RIMS2: variants seen among roughly 807,000 people sequenced by gnomAD.
The protein encoded by RIMS2 is regulating synaptic membrane exocytosis protein 2.
In RIMS2, 59 loss-of-function variants were observed where a neutral mutation model predicts 174.4. That is an observed-to-expected ratio of 0.34 (90% confidence interval 0.27 to 0.42). The LOEUF (loss-of-function observed/expected upper bound fraction) is 0.42. RIMS2 is among the 10% of genes least tolerant of loss of function. The pLI, the probability that RIMS2 is intolerant of heterozygous loss-of-function variation, is 1.00. For missense variants in RIMS2, 1,620 were observed against 1,666.3 expected (o/e 0.97, Z 0.48); for synonymous variants, 606 against 572.5 (o/e 1.06, Z -0.84).
chr8:103,885,310 A>G, exon 4 of RIMS2: 1 of 1,574,812 alleles, frequency 6.3e-7, no homozygotes, highest in Non-Finnish European at 8.7e-7. Context: ...AAAGAAGCCC[A>G]TCTGTGTCCA....
intron 2 of RIMS2, among the ~76,000 whole-genome samples, chr8:103,717,234 A>G (rs1447551217): frequency 6.7e-6 from 1 of 149,034 alleles, no homozygotes; most frequent in African/African-American, 2.5e-5. Flanking sequence ...GATGGTGGCA[A>G]ATATCGAATG....
intron 3 of RIMS2, among the ~76,000 whole-genome samples, chr8:103,786,166 T>C (rs1430335400): frequency 6.6e-6 from 1 of 152,204 alleles, no homozygotes; most frequent in Non-Finnish European, 1.5e-5. Flanking sequence ...TCTCCTTCCA[T>C]CTTTATTCGT....
chr8:103,792,734 A>T (rs2098511964), intron 3 of RIMS2, among the ~76,000 whole-genome samples: 3 of 152,118 alleles, frequency 2.0e-5, no homozygotes, highest in Admixed American at 2.0e-4. Flanking sequence ...ACGCAATAAA[A>T]AATGAGAAAG....
intron 1 of RIMS2, among the ~76,000 whole-genome samples, chr8:103,577,080 CT>C (rs981697451): frequency 6.6e-6 from 1 of 152,156 alleles, no homozygotes; most frequent in Non-Finnish European, 1.5e-5. Flanking sequence ...CAAATGGGAT[CT>C]AATTAAACTA....
chr8:104,005,090 T>C (rs2095525442), intron 17 of RIMS2, among the ~76,000 whole-genome samples: 1 of 152,196 alleles, frequency 6.6e-6, no homozygotes, highest in Non-Finnish European at 1.5e-5. Context: ...GTTATTGCAG[T>C]CTTGAAAATC....
intron 3 of RIMS2, among the ~76,000 whole-genome samples, chr8:103,789,618 A>G (rs1028025938): frequency 6.6e-6 from 1 of 152,158 alleles, no homozygotes; most frequent in Non-Finnish European, 1.5e-5. Context: ...CAAGATTTGT[A>G]GGAGCCAGGT....
chr8:103,726,826 G>C lies in RIMS2; in HGVS notation c.387+29530G>C, dbSNP rs2097532623. Among the ~76,000 whole-genome samples the C allele has an allele frequency of 2.0e-5, 3 of 150,430 alleles. 1 individual carries two copies. The South Asian group carries it at 6.3e-4, about 31-fold the overall frequency. On this transcript the variant is annotated intron_variant, in intron 2 of 23. Coordinates refer to ENST00000504942, the Ensembl canonical transcript of RIMS2. Reference sequence around the variant, plus strand: ...GGGCTCACTGCAACTTCTGTCTCCTGGGTCCCAGTTCAAGCAATTCTCCTG... The same window carrying C: ...GGGCTCACTGCAACTTCTGTCTCCTCGGTCCCAGTTCAAGCAATTCTCCTG...
intron 1 of RIMS2, among the ~76,000 whole-genome samples, chr8:103,678,238 CAAT>C (rs1249861477): frequency 1.3e-5 from 2 of 152,138 alleles, no homozygotes; most frequent in African/African-American, 4.8e-5. Flanking sequence ...AATATACACA[CAAT>C]ACATATTTGT....
chr8:104,005,698 A>C (rs2095549741), intron 17 of RIMS2, among the ~76,000 whole-genome samples: 1 of 152,136 alleles, frequency 6.6e-6, no homozygotes, highest in East Asian at 1.9e-4. Context: ...AAATATTCTA[A>C]GTTAATTGTC....
chr8:104,034,400 T>TATTTCTGA (rs2096465792), intron 19 of RIMS2, among the ~76,000 whole-genome samples: 1 of 151,970 alleles, frequency 6.6e-6, no homozygotes, highest in South Asian at 2.1e-4. Flanking sequence ...ATGATCTTGG[T>TATTTCTGA]ATTTCTGAAC....
intron 2 of RIMS2, among the ~76,000 whole-genome samples, chr8:103,751,815 T>G (rs928873441): frequency 6.6e-6 from 1 of 151,488 alleles, no homozygotes; most frequent in Admixed American, 6.6e-5. Flanking sequence ...TCTTGTAAAT[T>G]TGTTTGAGTT....
chr8:103,619,094 A>G (rs745506421), intron 1 of RIMS2, among the ~76,000 whole-genome samples: 20 of 63,068 alleles, frequency 3.2e-4, no homozygotes, highest in African/African-American at 1.2e-3. Context: ...CTTTTTGCTG[A>G]AAAAAAAAAA....
chr8:103,568,694 G>C, intron 1 of RIMS2: 1 of 737,790 alleles, frequency 1.4e-6, no homozygotes, highest in South Asian at 1.4e-5. Flanking sequence ...CAGCTTCATG[G>C]TTTTGTTCTT....
At chr8:104,095,680 A>T (rs1002791027) in intron 19 of RIMS2, among the ~76,000 whole-genome samples, 1 of 151,882 alleles carries the variant, frequency 6.6e-6, no homozygotes, top group African/African-American at 2.4e-5. Flanking sequence ...TAAATTATGT[A>T]CATTTTGGAG....
intron 19 of RIMS2, among the ~76,000 whole-genome samples, chr8:104,183,053 AC>A (rs1376547391): frequency 3.3e-5 from 5 of 151,838 alleles, no homozygotes; most frequent in Admixed American, 2.6e-4. Flanking sequence ...TATAGAAGTG[AC>A]TAAAACTTTT....
chr8:103,652,703 C>T, intron 1 of RIMS2: 1 of 1,346,382 alleles, frequency 7.4e-7, no homozygotes, highest in Non-Finnish European at 9.8e-7. Flanking sequence ...TGAAAAGGAG[C>T]CCCAGACGTA....
chr8:104,135,376 G>T (rs1402277484), intron 19 of RIMS2, among the ~76,000 whole-genome samples: 1 of 152,026 alleles, frequency 6.6e-6, no homozygotes, highest in Admixed American at 6.6e-5. Flanking sequence ...GCAGGCAGAT[G>T]GCTCAAGCCC....
At chr8:103,543,215 G>A (rs1399844840) in intron 1 of RIMS2, among the ~76,000 whole-genome samples, 2 of 152,094 alleles carry the variant, frequency 1.3e-5, no homozygotes, top group African/African-American at 4.8e-5. Context: ...TAGCATTTTT[G>A]TGCAGTAAGA....
intron 3 of RIMS2, among the ~76,000 whole-genome samples, chr8:103,811,690 C>T (rs1213421514): frequency 1.3e-5 from 2 of 152,194 alleles, no homozygotes; most frequent in African/African-American, 2.4e-5. Flanking sequence ...AGGTGATGCA[C>T]CCACCTCGGC....
Sources: allele counts gnomAD v4.1 joint callset (sites outside exome capture counted in the v4.1 genomes callset), GRCh38; gene constraint gnomAD v4.1.1; transcripts MANE v1.5; gene names NCBI Gene and HGNC (gene_info 2026-07-23, HGNC 2026-07-21).